CA5B: variants seen among roughly 807,000 people sequenced by gnomAD.
CA5B encodes the protein carbonic anhydrase 5B, mitochondrial.
CA5B carries 15 observed loss-of-function variants against 23.1 expected under a neutral mutation model. The observed-to-expected ratio is 0.65, with a 90% CI of 0.43 to 1.00. CA5B has a LOEUF of 1.00. Ranked by LOEUF, CA5B falls within the 50% of genes least tolerant of loss-of-function variation. The pLI, the probability that CA5B is intolerant of heterozygous loss-of-function variation, is 0.00. For missense variants in CA5B, 236 were observed against 252.2 expected, an observed-to-expected ratio of 0.94 and a Z score of 0.43; for synonymous variants, 84 against 98.5, an observed-to-expected ratio of 0.85 and a Z score of 0.87.
intron 3 of CA5B, among the ~76,000 whole-genome samples, chrX:15,771,311 C>T (rs1931815587): frequency 9.7e-6 from 1 of 103,431 alleles, no homozygotes; most frequent in African/African-American, 3.5e-5. Flanking sequence ...GCAGAGGTTG[C>T]AGTGAGCCGA....
At position 15,787,180 on chromosome X, in the gene CA5B, T is replaced by C. The variant is rs1452337785; in HGVS notation, c.*4516T>C. 2.7e-5 allele frequency: 3 copies of C among 111,621 alleles called. No individual in the cohort carries two copies. The highest frequency in any genetic ancestry group is 5.6e-5 in the Non-Finnish European group (3 of 53,101). The allele number at this position is 111,621 out of a possible 1,213,427, so 9.2% of individuals were successfully genotyped here. ...TTGGGCAAAGCTTTAAAGTACATCCTCCTTCCAGGGGAAAGAGGAACACAA... is the reference window on the plus strand; with the variant it reads ...TTGGGCAAAGCTTTAAAGTACATCCCCCTTCCAGGGGAAAGAGGAACACAA... On this transcript the variant is annotated 3_prime_UTR_variant, in exon 8 of 8. Coordinates refer to ENST00000318636, the MANE Select transcript of CA5B (RefSeq NM_007220.4).
chrX:15,782,306 C>T (rs1171138943), intron 7 of CA5B, among the ~76,000 whole-genome samples, 179 bp from the exon 8 acceptor site: 1 of 112,771 alleles, frequency 8.9e-6, no homozygotes, highest in Non-Finnish European at 1.9e-5. Flanking sequence ...AGGATCACCA[C>T]CACCACTGGG....
At chrX:15,767,973 A>G (rs1433257110) in intron 3 of CA5B, among the ~76,000 whole-genome samples, 1 of 94,211 alleles carries the variant, frequency 1.1e-5, no homozygotes, top group Non-Finnish European at 2.0e-5. Context: ...ATCTTGGCTC[A>G]CTGCAACCTT....
intron 1 of CA5B, among the ~76,000 whole-genome samples, 172 bp downstream of exon 1, chrX:15,738,524 G>A (rs1046358260): frequency 7.2e-5 from 8 of 111,101 alleles, no homozygotes; most frequent in African/African-American, 2.6e-4. Context: ...GGAGTACTGA[G>A]TGGGGCCTAA....
chrX:15,772,571 G>C lies in CA5B; in HGVS notation c.416G>C (p.Trp139Ser). 8.3e-7 allele frequency: 1 copy of C among 1,206,872 alleles called. No individual in the cohort carries two copies. Among genetic ancestry groups the C allele is most frequent in the East Asian group, 3.0e-5 (1 of 33,771 alleles). ...FHFHWGAIDAWGSEHTVDSKC... is the reference protein window; with the variant it reads ...FHFHWGAIDASGSEHTVDSKC... ...TTTCACTGGGGGGCCATCGATGCCT[G>C]GGGTTCTGAGCACACCGTGGACAGC... The change falls in exon 4 of 8, where the codon TGG (tryptophan) becomes TCG (serine). Residue 139 changes from tryptophan (W) to serine (S), a missense_variant. Transcript: ENST00000318636.
chrX:15,769,701 C>G lies in CA5B; in HGVS notation c.341-2795C>G, dbSNP rs55936041. ...ACACAGTTTAAAACACACACACACACAGTTTAATGATTTTTAAAGGAAATT... is the reference window on the plus strand; with the variant it reads ...ACACAGTTTAAAACACACACACACAGAGTTTAATGATTTTTAAAGGAAATT... On this transcript the variant is annotated intron_variant, in intron 3 of 7. Coordinates refer to ENST00000318636, the MANE Select transcript of CA5B (RefSeq NM_007220.4). The G allele has an allele frequency of 5.7e-3, 2,485 of 439,570 alleles. 58 individuals are homozygous for G. The African/African-American group carries it at 0.063, about 11-fold the overall frequency. The allele number at this position is 439,570 out of a possible 1,213,427, so 36.2% of individuals were successfully genotyped here.
intron 2 of CA5B, among the ~76,000 whole-genome samples, chrX:15,762,320 A>T (rs1464449739): frequency 9.0e-6 from 1 of 111,070 alleles, no homozygotes; most frequent in African/African-American, 3.3e-5. Flanking sequence ...CCGAAGGAAG[A>T]GGATTATCTG....
At chrX:15,758,509 TA>T (rs1416316343) in intron 2 of CA5B, among the ~76,000 whole-genome samples, 1 of 111,228 alleles carries the variant, frequency 9.0e-6, no homozygotes, top group African/African-American at 3.3e-5. Flanking sequence ...TTTTTATTTT[TA>T]TTTTTTTATT....
At chrX:15,745,508 A>T (rs1353173720) in intron 1 of CA5B, 2 of 112,672 alleles carry the variant, frequency 1.8e-5, no homozygotes, top group Admixed American at 1.9e-4. Flanking sequence ...TAACTATTAT[A>T]TATGTTTTAT....
chrX:15,759,207 G>T (rs954384508), intron 2 of CA5B, among the ~76,000 whole-genome samples: 8 of 111,481 alleles, frequency 7.2e-5, no homozygotes, highest in Non-Finnish European at 1.5e-4. Context: ...TGTTTCAAGG[G>T]CTGAAAGAAG....
intron 4 of CA5B, 113 bp downstream of exon 4, chrX:15,772,727 T>A (rs180722505): frequency 3.4e-4 from 141 of 418,445 alleles, no homozygotes; most frequent in African/African-American, 2.8e-3. Flanking sequence ...GCTAAATAGC[T>A]TTCTCAGGCA....
chrX:15,770,196 C>G (rs1931791027), intron 3 of CA5B, among the ~76,000 whole-genome samples: 1 of 109,907 alleles, frequency 9.1e-6, no homozygotes, highest in Non-Finnish European at 1.9e-5. Context: ...GCCTGTAATT[C>G]CAGCTTCTTG....
chrX:15,763,214 A>G (rs1359226160), intron 2 of CA5B, among the ~76,000 whole-genome samples: 1 of 112,175 alleles, frequency 8.9e-6, no homozygotes, highest in Non-Finnish European at 1.9e-5. Context: ...CAGGCTACGC[A>G]AGCCTTTTTT....
At chrX:15,759,611 G>C (rs1423853131) in intron 2 of CA5B, among the ~76,000 whole-genome samples, 1 of 110,743 alleles carries the variant, frequency 9.0e-6, no homozygotes, top group Non-Finnish European at 1.9e-5. Flanking sequence ...GACTAAGACA[G>C]TGCTAAAGCA....
rs1931670622 is a variant in CA5B, at chrX:15,764,650, G to C, written c.215G>C (p.Arg72Thr). 8.4e-7 allele frequency: 1 copy of C among 1,193,082 alleles called. No homozygotes were observed. Among genetic ancestry groups the C allele is most frequent in the African/African-American group, 1.8e-5 (1 of 56,110 alleles). ...CAGTCACCCATCAACATTCGGTGGA[G>C]GGACAGTGTTTATGATCCCGGCTTA... is the stretch of plus-strand genomic sequence containing the variant. ...DRQSPINIRW[R>T]DSVYDPGLKP... is the part of the protein sequence containing the mutation. The change falls in exon 3 of 8, where the codon AGG becomes ACG. Residue 72 changes from arginine to threonine, a missense_variant. Physicochemically the swap from Arg to Thr is moderately conservative, Grantham distance 71 (BLOSUM62 -1). This residue lies in a region of CA5B where 12 missense variants were observed against 43.6 expected (regional missense o/e 0.28). Coordinates refer to ENST00000318636, the MANE Select transcript of CA5B (RefSeq NM_007220.4).
intron 2 of CA5B, among the ~76,000 whole-genome samples, chrX:15,756,634 G>T (rs1224787863): frequency 3.5e-5 from 4 of 112,917 alleles, no homozygotes; most frequent in Admixed American, 1.9e-4. Context: ...CTAAAGGCCA[G>T]GTGTGGGGGC....
At chrX:15,747,478 A>G (rs1569273705) in intron 1 of CA5B, among the ~76,000 whole-genome samples, 1 of 109,245 alleles carries the variant, frequency 9.2e-6, no homozygotes, top group African/African-American at 3.3e-5. Context: ...GATGTCTGGG[A>G]ATTTGCTTCA....
intron 2 of CA5B, among the ~76,000 whole-genome samples, chrX:15,760,029 C>T (rs1471826054): frequency 9.1e-6 from 1 of 110,478 alleles, no homozygotes; most frequent in African/African-American, 3.3e-5. Flanking sequence ...GCTGAGATTA[C>T]AGGCATGAGC....
chrX:15,764,571 C>G lies in CA5B; in HGVS notation c.143-7C>G, dbSNP rs1253254614. 1 of 1,209,417 alleles carries G rather than the reference C, an allele frequency of 8.3e-7. No individual in the cohort carries two copies. Among genetic ancestry groups the G allele is most frequent in the African/African-American group, 1.7e-5 (1 of 57,615 alleles). On this transcript the variant is annotated splice_polypyrimidine_tract_variant and splice_region_variant and intron_variant, in intron 2 of 7. Coordinates refer to ENST00000318636, the MANE Select transcript of CA5B (RefSeq NM_007220.4). ...TCTTGATAATAGGCTGACCTGCTTT[C>G]TCCTAGTGCATCCACTCTGGGAGAG...
Sources: allele counts gnomAD v4.1 joint callset (sites outside exome capture counted in the v4.1 genomes callset), GRCh38; gene constraint gnomAD v4.1.1; regional missense constraint gnomAD v4.1.1; transcripts MANE v1.5; gene names NCBI Gene and HGNC (gene_info 2026-07-23, HGNC 2026-07-21).